The following ZNF804B variants were observed in gnomAD, a reference collection of about 807,000 sequenced individuals.
ZNF804B encodes the protein zinc finger protein 804B, also known as zinc finger 804B.
A neutral mutation model predicts 101.4 loss-of-function variants in ZNF804B; 80 were observed. That is an observed-to-expected ratio of 0.79 (90% confidence interval 0.66 to 0.95). The LOEUF is 0.95. ZNF804B is among the 40% of genes least tolerant of loss of function. The pLI, the probability that ZNF804B is intolerant of heterozygous loss-of-function variation, is 0.00. For synonymous variants in ZNF804B, 622 were observed against 558.8 expected (o/e 1.11, Z -1.59); for missense variants, 1,673 against 1,561.9 (o/e 1.07, Z -1.20).
intron 1 of ZNF804B, among the ~76,000 whole-genome samples, chr7:89,034,263 A>G (rs964378963): frequency 6.6e-6 from 1 of 152,012 alleles, no homozygotes; most frequent in Non-Finnish European, 1.5e-5. Context: ...ACATTTATTT[A>G]TTTATTTATT....
intron 1 of ZNF804B, among the ~76,000 whole-genome samples, chr7:89,099,688 C>T (rs1029073791): frequency 7.2e-5 from 11 of 152,054 alleles, no homozygotes; most frequent in African/African-American, 2.7e-4. Flanking sequence ...TTCTCAGTAA[C>T]GGTTGTGTTG....
intron 2 of ZNF804B, among the ~76,000 whole-genome samples, chr7:89,308,000 A>C (rs1790591577): frequency 6.6e-6 from 1 of 152,108 alleles, no homozygotes; most frequent in African/African-American, 2.4e-5. Context: ...AAATGTGCTT[A>C]ATAAATAGAG....
At chr7:88,866,233 T>A (rs528368027) in intron 1 of ZNF804B, among the ~76,000 whole-genome samples, 49 of 152,336 alleles carry the variant, frequency 3.2e-4, no homozygotes, top group African/African-American at 1.1e-3. Flanking sequence ...TATGAAAATA[T>A]GTTAAAGTGA....
At chr7:89,236,673 G>C (rs1789286560) in intron 2 of ZNF804B, among the ~76,000 whole-genome samples, 1 of 152,028 alleles carries the variant, frequency 6.6e-6, no homozygotes, top group African/African-American at 2.4e-5. Context: ...ATGTTTGAGA[G>C]AATAAATTGA....
intron 2 of ZNF804B, among the ~76,000 whole-genome samples, chr7:89,311,329 C>G (rs1790646689): frequency 6.6e-6 from 1 of 152,190 alleles, no homozygotes; most frequent in Non-Finnish European, 1.5e-5. Flanking sequence ...CATTCAAACA[C>G]TCTCCACTTC....
chr7:89,055,402 A>C (rs969928498), intron 1 of ZNF804B, among the ~76,000 whole-genome samples: 1 of 152,132 alleles, frequency 6.6e-6, no homozygotes, highest in Non-Finnish European at 1.5e-5. Flanking sequence ...TGTAGTTTGG[A>C]TGCTATATGG....
At chr7:89,123,244 T>A (rs923709007) in intron 1 of ZNF804B, among the ~76,000 whole-genome samples, 1 of 151,816 alleles carries the variant, frequency 6.6e-6, no homozygotes, top group African/African-American at 2.4e-5. Context: ...TTATTTTGAA[T>A]AACCTAGTTG....
intron 1 of ZNF804B, among the ~76,000 whole-genome samples, chr7:89,050,827 T>C (rs1254492329): frequency 1.3e-5 from 2 of 152,150 alleles, no homozygotes; most frequent in East Asian, 3.8e-4. Flanking sequence ...TCCCTCTTAA[T>C]GATTACCTTT....
intron 1 of ZNF804B, among the ~76,000 whole-genome samples, chr7:88,985,727 A>G (rs1486785149): frequency 6.6e-6 from 1 of 152,124 alleles, no homozygotes; most frequent in East Asian, 1.9e-4. Flanking sequence ...TAGGGCAAGG[A>G]TCAGAGATAC....
chr7:89,081,088 G>A (rs1789691002), intron 1 of ZNF804B, among the ~76,000 whole-genome samples: 1 of 151,902 alleles, frequency 6.6e-6, no homozygotes, highest in South Asian at 2.1e-4. Flanking sequence ...GGATGTTGGA[G>A]CAATAGAGAT....
intron 1 of ZNF804B, among the ~76,000 whole-genome samples, chr7:88,838,072 G>A (rs549097025): frequency 1.3e-5 from 2 of 151,612 alleles, no homozygotes; most frequent in Admixed American, 6.6e-5. Context: ...TAATTTCAGG[G>A]TATTAAGGGA....
chr7:89,018,899 A>T (rs950499222), intron 1 of ZNF804B, among the ~76,000 whole-genome samples: 2 of 151,902 alleles, frequency 1.3e-5, no homozygotes, highest in Non-Finnish European at 2.9e-5. Context: ...TAGTCTAGCT[A>T]ATGGTTTATT....
intron 1 of ZNF804B, among the ~76,000 whole-genome samples, chr7:89,137,793 G>A (rs1790659183): frequency 6.6e-6 from 1 of 152,080 alleles, no homozygotes; most frequent in Non-Finnish European, 1.5e-5. Flanking sequence ...AGGCAATGGG[G>A]AAAATGCCTC....
At chr7:89,271,174 G>A (rs1404925980) in intron 2 of ZNF804B, among the ~76,000 whole-genome samples, 1 of 152,122 alleles carries the variant, frequency 6.6e-6, no homozygotes, top group Non-Finnish European at 1.5e-5. Context: ...TCCAGTTTTT[G>A]CTTATTCAGT....
chr7:89,140,259 A>G (rs10258572), intron 1 of ZNF804B, among the ~76,000 whole-genome samples: 91,839 of 151,896 alleles, frequency 0.6, 28,149 homozygotes, highest in African/African-American at 0.71. Context: ...ATAGAGCACA[A>G]GCAAAGCAGA....
At chr7:88,922,220 C>T (rs985699692) in intron 1 of ZNF804B, among the ~76,000 whole-genome samples, 3 of 152,012 alleles carry the variant, frequency 2.0e-5, no homozygotes, top group African/African-American at 7.2e-5. Context: ...ATTTGTTACT[C>T]ATTTTATCGC....
intron 1 of ZNF804B, among the ~76,000 whole-genome samples, chr7:89,047,288 T>C (rs147625730): frequency 0.012 from 1,776 of 152,310 alleles, 32 homozygotes; most frequent in African/African-American, 0.04. Context: ...TTATTAACAT[T>C]GGATATTAAT....
intron 2 of ZNF804B, among the ~76,000 whole-genome samples, chr7:89,312,730 A>T (rs1044130047): frequency 6.6e-6 from 1 of 152,020 alleles, no homozygotes; most frequent in Non-Finnish European, 1.5e-5. Flanking sequence ...GCTGTGATGC[A>T]TGCCTGTAGT....
At chr7:89,130,784 A>G (rs921439835) in intron 1 of ZNF804B, among the ~76,000 whole-genome samples, 2 of 151,974 alleles carry the variant, frequency 1.3e-5, no homozygotes, top group African/African-American at 4.8e-5. Flanking sequence ...GAATGACAGG[A>G]ATAACTAAGA....
Sources: allele counts gnomAD v4.1 joint callset (sites outside exome capture counted in the v4.1 genomes callset), GRCh38; gene constraint gnomAD v4.1.1; transcripts MANE v1.5; gene names NCBI Gene and HGNC (gene_info 2026-07-23, HGNC 2026-07-21).